EBF1: variants seen among roughly 807,000 people sequenced by gnomAD.
The protein encoded by EBF1 is transcription factor COE1.
A neutral mutation model predicts 68.4 loss-of-function variants in EBF1; 10 were observed. The ratio of observed to expected loss-of-function variants is 0.15; its 90% CI spans 0.09 to 0.25. EBF1 has a LOEUF of 0.25. Ranked by LOEUF, EBF1 falls within the 10% of genes least tolerant of loss-of-function variation. The pLI, the probability that EBF1 is intolerant of heterozygous loss-of-function variation, is 1.00. For synonymous variants in EBF1, 298 were observed against 299.8 expected (o/e 0.99, Z 0.06); for missense variants, 509 against 794.4 (o/e 0.64, Z 4.32).
At chr5:158,888,371 T>C (rs1239290773) in intron 6 of EBF1, among the ~76,000 whole-genome samples, 5 of 152,138 alleles carry the variant, frequency 3.3e-5, no homozygotes, top group Non-Finnish European at 4.4e-5. Flanking sequence ...GCATGTATTA[T>C]GGCTAATAAA....
At chr5:159,096,704 G>A (rs879762481) in intron 2 of EBF1, 111 of 605,998 alleles carry the variant, frequency 1.8e-4, no homozygotes, top group Middle Eastern at 4.4e-4. Flanking sequence ...GGTAGTGGAG[G>A]GCGGGTTCAT....
At chr5:158,982,053 T>G (rs1758006617) in intron 6 of EBF1, among the ~76,000 whole-genome samples, 1 of 152,190 alleles carries the variant, frequency 6.6e-6, no homozygotes, top group Non-Finnish European at 1.5e-5. Flanking sequence ...GTGCTTAAAA[T>G]GGGATTTCAT....
intron 6 of EBF1, among the ~76,000 whole-genome samples, chr5:158,950,924 G>A (rs149314134): frequency 6.6e-6 from 1 of 152,326 alleles, no homozygotes; most frequent in East Asian, 1.9e-4. Context: ...CATGTGGGAT[G>A]GCTGGCAGCC....
chr5:158,880,234 C>T (rs532058080), intron 6 of EBF1, among the ~76,000 whole-genome samples: 1 of 152,302 alleles, frequency 6.6e-6, no homozygotes, highest in Non-Finnish European at 1.5e-5. Context: ...CCGTCTCATG[C>T]AGATACTCCA....
chr5:158,800,218 A>C (rs781664432), intron 8 of EBF1, among the ~76,000 whole-genome samples: 3 of 152,212 alleles, frequency 2.0e-5, no homozygotes, highest in Non-Finnish European at 4.4e-5. Context: ...TAGCAGGTGA[A>C]AAAAACAATT....
chr5:158,786,696 A>G (rs1355031170), intron 9 of EBF1, among the ~76,000 whole-genome samples: 8 of 152,198 alleles, frequency 5.3e-5, no homozygotes, highest in Admixed American at 4.6e-4. Flanking sequence ...TCAGTGTCCT[A>G]TGTTCCTTGC....
chr5:158,861,931 CAA>C (rs1021927941), intron 6 of EBF1, among the ~76,000 whole-genome samples: 18 of 152,046 alleles, frequency 1.2e-4, no homozygotes, highest in Non-Finnish European at 1.6e-4. Flanking sequence ...CAAGTACATA[CAA>C]ATTTAATAAC....
Position 159,024,439 on chromosome 5 carries a change from C to A in EBF1, c.554+48957G>T, listed in dbSNP as rs138968163. ...TATATTTTGGAAAGCCCTTGACAGT[C>A]CTATCGAAAACCAAACCAAACAAAA... On this transcript the variant is annotated intron_variant, in intron 6 of 15. Coordinates refer to ENST00000313708, the MANE Select transcript of EBF1 (RefSeq NM_024007.5). 6.6e-5 allele frequency among the ~76,000 whole-genome samples: 10 copies of A among 152,224 alleles called. No homozygotes were observed. In the East Asian group the frequency reaches 1.9e-3, roughly 29 times the overall value.
chr5:159,063,166 G>A (rs4554266), intron 6 of EBF1, among the ~76,000 whole-genome samples: 11,644 of 152,126 alleles, frequency 0.077, 1,030 homozygotes, highest in East Asian at 0.4. Context: ...TGTGCTCAAC[G>A]TAGTCACTGC....
intron 9 of EBF1, among the ~76,000 whole-genome samples, chr5:158,788,318 T>G (rs1447440586): frequency 6.6e-6 from 1 of 152,070 alleles, no homozygotes; most frequent in Admixed American, 6.5e-5. Context: ...TTACAGGATC[T>G]TAAAGGGCAG....
chr5:159,092,836 T>C (rs1306907152), intron 4 of EBF1, among the ~76,000 whole-genome samples: 2 of 152,142 alleles, frequency 1.3e-5, no homozygotes, highest in Admixed American at 1.3e-4. Context: ...ACCAGAAGTG[T>C]TTCATTCTGT....
At chr5:159,087,403 TAC>T (rs1359653557) in intron 4 of EBF1, among the ~76,000 whole-genome samples, 26 of 147,376 alleles carry the variant, frequency 1.8e-4, no homozygotes, top group East Asian at 7.9e-4. Context: ...TACATATATA[TAC>T]ACACACATAT....
intron 8 of EBF1, among the ~76,000 whole-genome samples, chr5:158,815,183 T>C (rs1448019024): frequency 6.6e-6 from 1 of 152,236 alleles, no homozygotes; most frequent in Non-Finnish European, 1.5e-5. Flanking sequence ...AGGCTAGTTA[T>C]TGACCCTCTC....
intron 6 of EBF1, among the ~76,000 whole-genome samples, chr5:159,057,484 TA>T (rs1428431332): frequency 1.3e-5 from 2 of 152,164 alleles, no homozygotes. Flanking sequence ...ATACAGGACT[TA>T]GGGGCTTCCT....
intron 6 of EBF1, among the ~76,000 whole-genome samples, chr5:158,853,259 G>C (rs751903061): frequency 6.6e-6 from 1 of 152,142 alleles, no homozygotes; most frequent in Non-Finnish European, 1.5e-5. Flanking sequence ...GACCAAAGAG[G>C]CACTTGTGAT....
chr5:158,822,308 G>GGATGGATA (rs1382010983), intron 8 of EBF1, among the ~76,000 whole-genome samples: 51 of 131,122 alleles, frequency 3.9e-4, no homozygotes, highest in East Asian at 9.5e-4. Context: ...ATGGATGGAT[G>GGATGGATA]GATGGATAGA....
chr5:158,774,954 G>T (rs1479544414), intron 10 of EBF1, among the ~76,000 whole-genome samples: 1 of 151,022 alleles, frequency 6.6e-6, no homozygotes, highest in Non-Finnish European at 1.5e-5. Flanking sequence ...TCCGATATGG[G>T]GAGAGGTTAG....
intron 10 of EBF1, among the ~76,000 whole-genome samples, chr5:158,756,620 C>A (rs2127602843): frequency 6.6e-6 from 1 of 151,894 alleles, no homozygotes; most frequent in South Asian, 2.1e-4. Flanking sequence ...TAACTCTCTG[C>A]CAGTCATTGT....
At chr5:158,921,626 G>T (rs190580285) in intron 6 of EBF1, among the ~76,000 whole-genome samples, 43 of 152,268 alleles carry the variant, frequency 2.8e-4, no homozygotes, top group African/African-American at 9.6e-4. Context: ...CTGTGTTAGC[G>T]TGCATTAATT....
Sources: gnomAD v4.1 joint callset for allele counts (sites outside exome capture counted in the v4.1 genomes callset) on GRCh38, gnomAD v4.1.1 for gene constraint, MANE v1.5 for transcripts, NCBI Gene and HGNC (gene_info 2026-07-23, HGNC 2026-07-21) for gene names.